Variants in EML5 observed in about 807,000 individuals in gnomAD.
EML5 encodes the protein EMAP like 5.
EML5 carries 120 observed loss-of-function variants against 250.0 expected under a neutral mutation model. That is an observed-to-expected ratio of 0.48 (90% CI 0.41 to 0.56). The LOEUF is 0.56. Among genes scored for constraint, EML5 ranks in the 20% least tolerant of loss-of-function variants. The pLI is 0.00. For synonymous variants in EML5, 771 were observed against 806.5 expected, an observed-to-expected ratio of 0.96 and a Z score of 0.75; for missense variants, 2,006 against 2,437.6, an observed-to-expected ratio of 0.82 and a Z score of 3.73.
At chr14:88,721,999 A>C (rs1381033202) in intron 8 of EML5, among the ~76,000 whole-genome samples, 1 of 152,218 alleles carries the variant, frequency 6.6e-6, no homozygotes, top group Non-Finnish European at 1.5e-5. Flanking sequence ...TGTGGCCAAC[A>C]AACATATGAA....
At position 88,658,415 on chromosome 14, in the gene EML5, C is replaced by A. The variant is rs766797298; in HGVS notation, c.3676-27G>T. On this transcript the variant is annotated intron_variant, in intron 25 of 43. Coordinates refer to ENST00000554922, the MANE Select transcript of EML5 (RefSeq NM_183387.3). ...TAAAGAGGAAGAAAATTCAAACAAT[C>A]TTTCTGAGAAATTTCATTATTTAAA... 2.3e-5 allele frequency: 34 copies of A among 1,511,110 alleles called. No individual in the cohort carries two copies. In the South Asian group the frequency reaches 3.8e-4, roughly 17 times the overall value. 93.6% of individuals were successfully genotyped at this position (1,511,110 alleles called of 1,614,324 possible).
chr14:88,683,123 T>C (rs980835042), intron 20 of EML5, among the ~76,000 whole-genome samples: 3 of 152,286 alleles, frequency 2.0e-5, no homozygotes, highest in African/African-American at 7.2e-5. Flanking sequence ...TTCTTCTATA[T>C]GGTTTTTAAT....
rs151132710 is a variant in EML5, at chr14:88,632,389, C to T, written c.4357+2080G>A. ...GAGTGGTTTTCTCAAAGTATAAATT[C>T]GGTCATATCACTCCCTTGTCTAAAA... On this transcript the variant is annotated intron_variant, in intron 33 of 43. Transcript: ENST00000554922. Among the ~76,000 whole-genome samples the T allele has an allele frequency of 5.1e-3, 782 of 152,222 alleles. 7 individuals carry two copies. Among genetic ancestry groups the T allele is most frequent in the African/African-American group, 0.018 (753 of 41,534 alleles).
chr14:88,643,116 T>C, intron 30 of EML5, 94 bp from the exon 31 acceptor site: 1 of 1,194,464 alleles, frequency 8.4e-7, no homozygotes, highest in Non-Finnish European at 1.1e-6. Flanking sequence ...GTGTCTGCAG[T>C]CAAAATGGAG....
intron 5 of EML5, among the ~76,000 whole-genome samples, chr14:88,739,887 G>A (rs2093899873): frequency 6.6e-6 from 1 of 152,160 alleles, no homozygotes; most frequent in South Asian, 2.1e-4. Context: ...CAAAGATCTT[G>A]CTGTTAACAA....
At chr14:88,681,771 A>G (rs2092718876) in intron 21 of EML5, 119 bp downstream of exon 21, 5 of 1,162,774 alleles carry the variant, frequency 4.3e-6, no homozygotes, top group Non-Finnish European at 5.8e-6. Context: ...TAGACATTGA[A>G]TAAATATTTC....
intron 8 of EML5, among the ~76,000 whole-genome samples, chr14:88,720,973 A>C (rs2093580915): frequency 6.6e-6 from 1 of 152,168 alleles, no homozygotes; most frequent in Admixed American, 6.5e-5. Flanking sequence ...GAATTCCTAT[A>C]CACCAACAAC....
intron 8 of EML5, 148 bp from the exon 9 acceptor site, chr14:88,715,343 G>T: frequency 1.3e-6 from 1 of 771,214 alleles, no homozygotes; most frequent in Non-Finnish European, 2.0e-6. Context: ...TATTAATTCA[G>T]CAACAATACG....
At chr14:88,634,435 A>G in intron 33 of EML5, 34 bp downstream of exon 33, 1 of 1,427,976 alleles carries the variant, frequency 7.0e-7, no homozygotes, top group African/African-American at 1.5e-5. Flanking sequence ...ACCAAACAAT[A>G]TAAATAAAGC....
At chr14:88,627,253 T>C in intron 34 of EML5, 1 of 582,974 alleles carries the variant, frequency 1.7e-6, no homozygotes, top group Admixed American at 3.0e-5. Context: ...AACTTTTCTT[T>C]ATATAACGTA....
chr14:88,665,627 G>T, intron 21 of EML5, 138 bp from the exon 22 acceptor site: 2 of 1,097,002 alleles, frequency 1.8e-6, no homozygotes, highest in Non-Finnish European at 1.3e-6. Context: ...AGGAGGTTAA[G>T]ACCAGCCCGG....
intron 1 of EML5, among the ~76,000 whole-genome samples, chr14:88,788,223 G>A (rs187630289): frequency 8.5e-5 from 13 of 152,142 alleles, no homozygotes; most frequent in Admixed American, 5.2e-4. Flanking sequence ...ATTCTGAATC[G>A]CTTTTCCAAT....
rs2140921886 is a variant in EML5 at position 88,659,525 on chromosome 14, T to C, written c.3676-1137A>G. ...CTGCGCCCAGCAGGAATGATGACTC[T>C]TAATAATTAAGTCAGGGTGAGGGAT... On this transcript the variant is annotated intron_variant, in intron 25 of 43. Coordinates refer to ENST00000554922, the MANE Select transcript of EML5 (RefSeq NM_183387.3). Among the ~76,000 whole-genome samples the C allele has an allele frequency of 2.0e-5, 3 of 152,282 alleles. 1 individual carries two copies. The South Asian group carries it at 6.2e-4, about 32-fold the overall frequency.
intron 1 of EML5, among the ~76,000 whole-genome samples, chr14:88,791,854 G>A (rs988751937): frequency 6.6e-6 from 1 of 152,166 alleles, no homozygotes; most frequent in South Asian, 2.1e-4. Flanking sequence ...CGCCACCCTG[G>A]GCGCGCTCCC....
chr14:88,679,546 G>T (rs2092672624), intron 21 of EML5, among the ~76,000 whole-genome samples: 1 of 152,044 alleles, frequency 6.6e-6, no homozygotes, highest in African/African-American at 2.4e-5. Context: ...ACAAAAATAA[G>T]CCAGCCGTGG....
At chr14:88,764,454 T>C (rs1180650973) in intron 1 of EML5, among the ~76,000 whole-genome samples, 1 of 152,210 alleles carries the variant, frequency 6.6e-6, no homozygotes, top group South Asian at 2.1e-4. Flanking sequence ...TCAATAGTGA[T>C]ATCCTGATGA....
At chr14:88,617,906 A>G (rs891697855) in intron 41 of EML5, 3 of 182,074 alleles carry the variant, frequency 1.6e-5, no homozygotes, top group Non-Finnish European at 3.4e-5. Context: ...TAGATAGAGA[A>G]TTAATAACAG....
intron 1 of EML5, among the ~76,000 whole-genome samples, chr14:88,766,831 T>C (rs1343163135): frequency 1.3e-5 from 2 of 152,084 alleles, no homozygotes; most frequent in Non-Finnish European, 2.9e-5. Flanking sequence ...TTTCTCTCTT[T>C]TGTACTCTTT....
Position 88,694,291 on chromosome 14 carries a change from A to G in EML5, c.2539+16T>C. 2 of 1,526,876 alleles carry G rather than the reference A, an allele frequency of 1.3e-6. No homozygotes were observed. The highest frequency in any genetic ancestry group is 2.4e-5 in the South Asian group (2 of 82,536). The allele number at this position is 1,526,876 out of a possible 1,614,324, so 94.6% of individuals were successfully genotyped here. A position where few individuals can be genotyped will look rare whatever the true frequency, so the allele number is the denominator to read the frequency against. On this transcript the variant is annotated intron_variant, in intron 17 of 43. Transcript: ENST00000554922. ...TTCTTAAAATTCTATGGAGTAAAAA[A>G]GAAGCACTTTCTTACCTGCTTTACG...
Sources: gnomAD v4.1 joint callset for allele counts (sites outside exome capture counted in the v4.1 genomes callset) on GRCh38, gnomAD v4.1.1 for gene constraint, MANE v1.5 for transcripts, NCBI Gene and HGNC (gene_info 2026-07-23, HGNC 2026-07-21) for gene names.